KATNA1: variants seen among roughly 807,000 people sequenced by gnomAD.
KATNA1 encodes katanin catalytic subunit A1, also known as katanin p60 ATPase-containing subunit A1.
KATNA1 carries 42 observed loss-of-function variants against 62.6 expected under a neutral mutation model. The observed-to-expected ratio is 0.67, with a 90% CI of 0.52 to 0.87. The LOEUF (loss-of-function observed/expected upper bound fraction) is 0.87, where lower values mean the gene tolerates loss of function less well. KATNA1 is among the 40% of genes least tolerant of loss of function. The pLI, the probability that KATNA1 is intolerant of heterozygous loss-of-function variation, is 0.00. For missense variants in KATNA1, 498 were observed against 612.5 expected (o/e 0.81, Z 1.97); for synonymous variants, 186 against 201.9 (o/e 0.92, Z 0.67).
chr6:149,619,591 C>T (rs1432879221), intron 4 of KATNA1, among the ~76,000 whole-genome samples: 1 of 148,310 alleles, frequency 6.7e-6, no homozygotes, highest in African/African-American at 2.5e-5. Flanking sequence ...CCAGCCTGGG[C>T]AACAGAGTGA....
In KATNA1 at chr6:149,623,298, A is replaced by G; in HGVS notation, c.321-15T>C. 5 of 1,563,312 alleles carry G rather than the reference A, an allele frequency of 3.2e-6. No homozygotes were observed. The highest frequency in any genetic ancestry group is 4.3e-6 in the Non-Finnish European group (5 of 1,159,344). On this transcript the variant is annotated splice_polypyrimidine_tract_variant and intron_variant, in intron 3 of 10. Coordinates refer to ENST00000367411, the MANE Select transcript of KATNA1 (RefSeq NM_007044.4). Reference sequence around the variant, plus strand: ...CTGGTGAGGGTCTAATCAAACAAAAACTCATTAATATCATAATCAACTCCA... The same window carrying G: ...CTGGTGAGGGTCTAATCAAACAAAAGCTCATTAATATCATAATCAACTCCA...
chr6:149,633,640 G>A (rs1419352311), intron 2 of KATNA1, among the ~76,000 whole-genome samples: 2 of 151,888 alleles, frequency 1.3e-5, no homozygotes, highest in Non-Finnish European at 2.9e-5. Context: ...GGCTGAGGCA[G>A]GGGAATCTCT....
At chr6:149,634,407 C>A (rs963410329) in intron 2 of KATNA1, among the ~76,000 whole-genome samples, 4 of 152,106 alleles carry the variant, frequency 2.6e-5, no homozygotes, top group African/African-American at 9.7e-5. Flanking sequence ...TGCCTGTAGT[C>A]CTGCCTACTT....
intron 4 of KATNA1, among the ~76,000 whole-genome samples, chr6:149,619,555 G>C (rs2115115827): frequency 6.6e-6 from 1 of 151,976 alleles, no homozygotes; most frequent in Non-Finnish European, 1.5e-5. Context: ...GGAGGTTGTA[G>C]TTAGCCAAGA....
At chr6:149,623,052 T>C (rs750473561) in intron 4 of KATNA1, 51 bp downstream of exon 4, 8 of 1,361,746 alleles carry the variant, frequency 5.9e-6, no homozygotes, top group Non-Finnish European at 6.0e-6. Flanking sequence ...ACAGTCTTCA[T>C]TTTTACGGTT....
Position 149,638,354 on chromosome 6 carries a change from C to T in KATNA1, c.162+32G>A, listed in dbSNP as rs779991477. Reference sequence around the variant, plus strand: ...AAATTTTCTCTTCCGAGTACTTAAGCCATTAAAACATACAGCAGCCATTAC... The same window carrying T: ...AAATTTTCTCTTCCGAGTACTTAAGTCATTAAAACATACAGCAGCCATTAC... On this transcript the variant is annotated intron_variant, in intron 2 of 10. Transcript: ENST00000367411. 2.3e-5 allele frequency: 37 copies of T among 1,600,042 alleles called. 1 individual carries two copies. The highest frequency in any genetic ancestry group is 1.7e-4 in the South Asian group (15 of 90,102).
chr6:149,639,693 G>A (rs182846215), intron 1 of KATNA1, among the ~76,000 whole-genome samples: 19 of 152,264 alleles, frequency 1.2e-4, no homozygotes, highest in Admixed American at 9.8e-4. Context: ...CAGCTCAGAT[G>A]GCAGTTTTCC....
chr6:149,625,837 G>A (rs971448470), intron 3 of KATNA1, among the ~76,000 whole-genome samples: 1 of 151,646 alleles, frequency 6.6e-6, no homozygotes, highest in Non-Finnish European at 1.5e-5. Context: ...GGGAGGCTGA[G>A]GCATGAAAAT....
intron 4 of KATNA1, among the ~76,000 whole-genome samples, chr6:149,614,991 G>A (rs1046267298): frequency 1.1e-4 from 17 of 151,826 alleles, no homozygotes; most frequent in African/African-American, 4.1e-4. Flanking sequence ...AAATTAGCCA[G>A]GTGTGGTGAC....
At chr6:149,642,204 A>G (rs559458476) in intron 1 of KATNA1, among the ~76,000 whole-genome samples, 1 of 152,308 alleles carries the variant, frequency 6.6e-6, no homozygotes, top group African/African-American at 2.4e-5. Context: ...CCTGGCCGAG[A>G]GACCTCTTTT....
intron 6 of KATNA1, 175 bp from the exon 7 acceptor site, chr6:149,601,927 AAG>A: frequency 2.2e-6 from 1 of 463,412 alleles, no homozygotes; most frequent in Non-Finnish European, 3.6e-6. Context: ...CCCGTTAAAA[AAG>A]AAGATAACCA....
chr6:149,647,077 C>T (rs1293957224), intron 1 of KATNA1, among the ~76,000 whole-genome samples: 1 of 151,812 alleles, frequency 6.6e-6, no homozygotes, highest in Non-Finnish European at 1.5e-5. Flanking sequence ...TCTTGAATAA[C>T]CAACGCTATA....
intron 7 of KATNA1, among the ~76,000 whole-genome samples, chr6:149,600,739 C>A (rs1778507188): frequency 7.0e-6 from 1 of 142,500 alleles, no homozygotes; most frequent in African/African-American, 2.6e-5. Flanking sequence ...AGTTCAAGAT[C>A]AGCCTGGGCA....
chr6:149,615,446 C>T (rs757325054), intron 4 of KATNA1, among the ~76,000 whole-genome samples: 64 of 152,168 alleles, frequency 4.2e-4, no homozygotes, highest in Non-Finnish European at 5.9e-4. Context: ...CTCAGGCAAT[C>T]TGCCTGTCTT....
At chr6:149,623,668 G>A (rs1023531398) in intron 3 of KATNA1, among the ~76,000 whole-genome samples, 4 of 152,102 alleles carry the variant, frequency 2.6e-5, no homozygotes, top group Non-Finnish European at 5.9e-5. Flanking sequence ...AACCTGGGAG[G>A]TGGAGACTGG....
At chr6:149,632,125 G>A (rs1298018619) in intron 3 of KATNA1, among the ~76,000 whole-genome samples, 1 of 152,120 alleles carries the variant, frequency 6.6e-6, no homozygotes, top group African/African-American at 2.4e-5. Context: ...TGGGCACGGT[G>A]GCTCAGGCCT....
At chr6:149,642,472 C>A (rs1390702234) in intron 1 of KATNA1, among the ~76,000 whole-genome samples, 3 of 152,128 alleles carry the variant, frequency 2.0e-5, no homozygotes, top group Non-Finnish European at 4.4e-5. Flanking sequence ...CACAGATCCA[C>A]AAAGGAACTT....
rs1196236714 is a variant in KATNA1 at position 149,607,895 on chromosome 6, G to A, written c.502-3113C>T. Among the ~76,000 whole-genome samples, 5 of 151,866 alleles carry A rather than the reference G, an allele frequency of 3.3e-5. No individual in the cohort carries two copies. The South Asian group carries it at 6.2e-4, about 19-fold the overall frequency. On this transcript the variant is annotated intron_variant, in intron 4 of 10. Coordinates refer to ENST00000367411, the MANE Select transcript of KATNA1 (RefSeq NM_007044.4). ...AGCCTGGCCAACATGATGAAACCCC[G>A]TCTCTACTAACAATACAAAAATTAG...
chr6:149,640,361 G>A (rs1369566775), intron 1 of KATNA1, among the ~76,000 whole-genome samples: 1 of 152,044 alleles, frequency 6.6e-6, no homozygotes, highest in East Asian at 1.9e-4. Context: ...GGAGGCTGAG[G>A]TGGGAGGATT....
Sources: gnomAD v4.1 joint callset for allele counts (sites outside exome capture counted in the v4.1 genomes callset) on GRCh38, gnomAD v4.1.1 for gene constraint, MANE v1.5 for transcripts, NCBI Gene and HGNC (gene_info 2026-07-23, HGNC 2026-07-21) for gene names.